The following ANKRD45 variants were observed in gnomAD, a reference collection of about 807,000 sequenced individuals.
The protein encoded by ANKRD45 is ankyrin repeat domain 45.
ANKRD45 carries 21 observed loss-of-function variants against 28.1 expected under a neutral mutation model. That is an observed-to-expected ratio of 0.75 (90% confidence interval 0.53 to 1.08). The LOEUF (loss-of-function observed/expected upper bound fraction) is 1.08, where lower values mean the gene tolerates loss of function less well. ANKRD45 is among the 50% of genes least tolerant of loss of function. ANKRD45 has a pLI of 0.00. For synonymous variants in ANKRD45, 86 were observed against 103.9 expected (o/e 0.83, Z 1.05); for missense variants, 261 against 308.7 (o/e 0.85, Z 1.16).
intron 4 of ANKRD45, among the ~76,000 whole-genome samples, chr1:173,625,576 A>G (rs776954752): frequency 2.6e-5 from 4 of 152,180 alleles, no homozygotes; most frequent in Non-Finnish European, 5.9e-5. Flanking sequence ...AAAGATAAAT[A>G]AATACATTTG....
chr1:173,687,179 C>T, the ANKRD45 span, among the ~76,000 whole-genome samples: 2 of 152,158 alleles, frequency 1.3e-5, no homozygotes, highest in African/African-American at 4.8e-5. Context: ...TCCTTATAAT[C>T]CTTTTACCAA....
the ANKRD45 span, among the ~76,000 whole-genome samples, chr1:173,697,991 G>GA: frequency 0.069 from 9,173 of 133,298 alleles, 908 homozygotes; most frequent in African/African-American, 0.23. Flanking sequence ...AAAATGGAAA[G>GA]AAAAAAAAAA....
At chr1:173,653,122 T>C (rs1005776470) in intron 2 of ANKRD45, among the ~76,000 whole-genome samples, 5 of 152,216 alleles carry the variant, frequency 3.3e-5, no homozygotes, top group African/African-American at 9.6e-5. Context: ...ACCTTAGTTA[T>C]TTCTTGCCTT....
chr1:173,643,264 C>G (rs1051042055), intron 3 of ANKRD45, among the ~76,000 whole-genome samples: 2 of 151,090 alleles, frequency 1.3e-5, no homozygotes, highest in African/African-American at 4.9e-5. Flanking sequence ...ACCTCTGCCA[C>G]CCTGGTTCAA....
chr1:173,669,578 CCA>C (rs1382879424), intron 1 of ANKRD45: 7 of 433,596 alleles, frequency 1.6e-5, no homozygotes, highest in Admixed American at 1.5e-4. Context: ...CTTCAGGGCA[CCA>C]GAGTTTGCTC....
At chr1:173,684,745 G>A in the ANKRD45 span, among the ~76,000 whole-genome samples, 9 of 152,230 alleles carry the variant, frequency 5.9e-5, no homozygotes, top group East Asian at 3.9e-4. Context: ...AAACTCCTCC[G>A]CTTTCTGCTA....
intron 3 of ANKRD45, among the ~76,000 whole-genome samples, chr1:173,645,133 A>G (rs1668868631): frequency 6.6e-6 from 1 of 152,240 alleles, no homozygotes; most frequent in Non-Finnish European, 1.5e-5. Context: ...TTGACATAAG[A>G]TTGCTTATAG....
At chr1:173,667,890 C>A (rs1047677366) in intron 1 of ANKRD45, among the ~76,000 whole-genome samples, 1 of 152,110 alleles carries the variant, frequency 6.6e-6, no homozygotes, top group Non-Finnish European at 1.5e-5. Flanking sequence ...ACTGCAGAAG[C>A]AGACATAAGA....
chr1:173,654,328 A>G (rs1205036280), intron 2 of ANKRD45, among the ~76,000 whole-genome samples: 2 of 152,036 alleles, frequency 1.3e-5, no homozygotes, highest in Non-Finnish European at 2.9e-5. Flanking sequence ...CTTGTCTGTA[A>G]AGGATTTTAT....
chr1:173,690,960 C>T, the ANKRD45 span, among the ~76,000 whole-genome samples: 1 of 152,150 alleles, frequency 6.6e-6, no homozygotes, highest in Non-Finnish European at 1.5e-5. Context: ...GGGTGAGGCT[C>T]AATTTCCTCC....
chr1:173,647,705 A>G (rs1669000847), intron 2 of ANKRD45, among the ~76,000 whole-genome samples: 1 of 152,208 alleles, frequency 6.6e-6, no homozygotes, highest in Non-Finnish European at 1.5e-5. Context: ...GCACAGAGGG[A>G]CAATACTCTT....
At position 173,608,951 on chromosome 1, in the gene ANKRD45, A is replaced by C. The variant is rs1308627461; in HGVS notation, c.*1194T>G. On this transcript the variant is annotated 3_prime_UTR_variant, in exon 6 of 6. Transcript: ENST00000333279. ...AGGGGAAGGGAGGGGAAGGGAGAGG[A>C]AGGGAGAGGAAGGAGAAGGGGAAGG... 1.1e-5 allele frequency among the ~76,000 whole-genome samples: 1 copy of C among 94,646 alleles called. No individual in the cohort carries two copies. Among genetic ancestry groups the C allele is most frequent in the Non-Finnish European group, 2.1e-5 (1 of 46,706 alleles). 62.1% of individuals were successfully genotyped at this position (94,646 alleles called of 152,430 possible).
At chr1:173,676,029 A>G in the ANKRD45 span, among the ~76,000 whole-genome samples, 10 of 152,188 alleles carry the variant, frequency 6.6e-5, no homozygotes, top group Non-Finnish European at 1.2e-4. Flanking sequence ...TCAGAAAGTG[A>G]CATTCTTTAC....
chr1:173,643,371 AC>A (rs2102354083), intron 3 of ANKRD45, among the ~76,000 whole-genome samples: 1 of 151,750 alleles, frequency 6.6e-6, no homozygotes, highest in African/African-American at 2.4e-5. Flanking sequence ...ATGGGGTTTC[AC>A]CATCTTGGCC....
chr1:173,703,988 TC>T, the ANKRD45 span, among the ~76,000 whole-genome samples: 1 of 152,216 alleles, frequency 6.6e-6, no homozygotes, highest in Admixed American at 6.5e-5. Context: ...GTCCTTTTCC[TC>T]CATTATGGGT....
At chr1:173,625,618 A>G (rs1371809227) in intron 4 of ANKRD45, among the ~76,000 whole-genome samples, 1 of 152,196 alleles carries the variant, frequency 6.6e-6, no homozygotes, top group Non-Finnish European at 1.5e-5. Flanking sequence ...TTAAATAATA[A>G]GCAGTAGCAT....
At chr1:173,654,510 C>T (rs1669403496) in intron 2 of ANKRD45, among the ~76,000 whole-genome samples, 1 of 152,216 alleles carries the variant, frequency 6.6e-6, no homozygotes, top group South Asian at 2.1e-4. Context: ...CCCAACCTTT[C>T]TCTCTGGCTG....
At chr1:173,701,630 G>A in the ANKRD45 span, among the ~76,000 whole-genome samples, 3 of 152,098 alleles carry the variant, frequency 2.0e-5, no homozygotes, top group Non-Finnish European at 4.4e-5. Flanking sequence ...AAGAACACCT[G>A]GACACAGGGC....
chr1:173,651,596 A>G (rs1223146943), intron 2 of ANKRD45, among the ~76,000 whole-genome samples: 1 of 152,164 alleles, frequency 6.6e-6, no homozygotes, highest in Non-Finnish European at 1.5e-5. Context: ...TTGGTTCCAT[A>G]TGAACTTTAA....
Sources: allele counts gnomAD v4.1 joint callset (sites outside exome capture counted in the v4.1 genomes callset), GRCh38; gene constraint gnomAD v4.1.1; transcripts MANE v1.5; gene names NCBI Gene and HGNC (gene_info 2026-07-23, HGNC 2026-07-21).